Variants in SMYD3 observed in about 807,000 individuals in gnomAD.
The protein encoded by SMYD3 is histone-lysine N-methyltransferase SMYD3.
A neutral mutation model predicts 57.7 loss-of-function variants in SMYD3; 36 were observed. The ratio of observed to expected loss-of-function variants is 0.62; its 90% CI spans 0.48 to 0.82. The LOEUF (loss-of-function observed/expected upper bound fraction) is 0.82, where lower values mean the gene tolerates loss of function less well. Among genes scored for constraint, SMYD3 ranks in the 40% least tolerant of loss-of-function variants. SMYD3 has a pLI of 0.00. For missense variants in SMYD3, 515 were observed against 538.8 expected, an observed-to-expected ratio of 0.96 and a Z score of 0.44; for synonymous variants, 211 against 195.0, an observed-to-expected ratio of 1.08 and a Z score of -0.68.
chr1:246,395,620 G>GGACAGGGAAGACGAACACACCACAGTCA (rs1558442767), intron 1 of SMYD3, among the ~76,000 whole-genome samples: 1 of 28,618 alleles, frequency 3.5e-5, no homozygotes, highest in African/African-American at 1.7e-4. Flanking sequence ...CACCATGGCT[G>GGACAGGGAAGACGAACACACCACAGTCA]GACAGGGAAG....
At chr1:245,820,660 C>CA (rs2049110474) in intron 10 of SMYD3, among the ~76,000 whole-genome samples, 1 of 152,104 alleles carries the variant, frequency 6.6e-6, no homozygotes, top group Non-Finnish European at 1.5e-5. Context: ...CGTCTGAGCC[C>CA]AAAATCTCCT....
chr1:245,918,099 G>A (rs1232489436), intron 7 of SMYD3, among the ~76,000 whole-genome samples: 2 of 152,160 alleles, frequency 1.3e-5, no homozygotes, highest in African/African-American at 2.4e-5. Context: ...AACGGGACAG[G>A]AGTCACAGCC....
intron 5 of SMYD3, among the ~76,000 whole-genome samples, chr1:246,105,993 C>A (rs1364146097): frequency 6.6e-6 from 1 of 152,214 alleles, no homozygotes; most frequent in Non-Finnish European, 1.5e-5. Context: ...AAACATTATG[C>A]AGTGAGATAA....
chr1:246,199,620 A>G (rs964643275), intron 5 of SMYD3, among the ~76,000 whole-genome samples: 17 of 152,224 alleles, frequency 1.1e-4, no homozygotes, highest in African/African-American at 4.1e-4. Flanking sequence ...ACACATTTCC[A>G]ATATCTTGTC....
At chr1:246,007,654 GAA>G (rs35495113) in intron 5 of SMYD3, among the ~76,000 whole-genome samples, 36 of 146,740 alleles carry the variant, frequency 2.5e-4, no homozygotes, top group South Asian at 6.6e-4. Context: ...ACCAAAAATA[GAA>G]AAAAAAAAAA....
intron 10 of SMYD3, among the ~76,000 whole-genome samples, chr1:245,783,130 C>T (rs1488065102): frequency 6.6e-6 from 1 of 152,108 alleles, no homozygotes; most frequent in African/African-American, 2.4e-5. Context: ...AGAGAAGTGG[C>T]AGGAATGGTG....
At chr1:246,242,894 G>A (rs2063638427) in intron 5 of SMYD3, among the ~76,000 whole-genome samples, 1 of 152,124 alleles carries the variant, frequency 6.6e-6, no homozygotes, top group Non-Finnish European at 1.5e-5. Context: ...TCAACAAGAA[G>A]AGCTAACTAT....
chr1:246,098,473 A>G (rs1573018781), intron 5 of SMYD3, among the ~76,000 whole-genome samples: 1 of 152,364 alleles, frequency 6.6e-6, no homozygotes, highest in South Asian at 2.1e-4. Context: ...TACAATTTGA[A>G]TGTTTAAATA....
intron 5 of SMYD3, among the ~76,000 whole-genome samples, chr1:246,247,239 A>G (rs1361391749): frequency 6.6e-6 from 1 of 152,146 alleles, no homozygotes; most frequent in African/African-American, 2.4e-5. Flanking sequence ...TGACATTTGA[A>G]AGCATGTGTG....
At chr1:246,219,738 A>T (rs1048417337) in intron 5 of SMYD3, among the ~76,000 whole-genome samples, 1 of 152,156 alleles carries the variant, frequency 6.6e-6, no homozygotes, top group Admixed American at 6.5e-5. Context: ...AGGCACTCCC[A>T]GCCCCCAGAT....
rs767335863 is a variant in SMYD3 at position 245,749,586 on chromosome 1, C to T, written c.1264G>A (p.Asp422Asn). Residue 422 changes from aspartate (D) to asparagine (N), a missense_variant, in exon 12 of 12, where the codon GAC becomes AAC. Asp to Asn is a conservative substitution (Grantham distance 23). Coordinates refer to ENST00000490107, the MANE Select transcript of SMYD3 (RefSeq NM_001167740.2). ...EDLILLLEECDANIRAS is the reference protein window; with the variant it reads ...EDLILLLEECNANIRAS ...CCTTAGGATGCTCTGATGTTGGCGTCGCATTCTTCTAAAAGTAGAATCAAA... is the reference window on the plus strand; with the variant it reads ...CCTTAGGATGCTCTGATGTTGGCGTTGCATTCTTCTAAAAGTAGAATCAAA... 3.1e-5 allele frequency: 50 copies of T among 1,613,636 alleles called. No individual in the cohort carries two copies. The highest frequency in any genetic ancestry group is 4.4e-5 in the South Asian group (4 of 91,076).
chr1:245,872,600 C>T (rs1057194140), intron 8 of SMYD3, among the ~76,000 whole-genome samples: 2 of 152,196 alleles, frequency 1.3e-5, no homozygotes, highest in African/African-American at 4.8e-5. Context: ...CAAAAATGCT[C>T]GTGGTGAGGA....
chr1:246,072,288 A>T (rs57864893), intron 5 of SMYD3, among the ~76,000 whole-genome samples: 12,371 of 28,564 alleles, frequency 0.43, 2,104 homozygotes, highest in Admixed American at 0.52. Context: ...CTGTGGATGC[A>T]TCGTGTTAGT....
chr1:245,831,107 C>T lies in SMYD3; in HGVS notation c.1076+27389G>A, dbSNP rs111416113. 9.8e-5 allele frequency among the ~76,000 whole-genome samples: 15 copies of T among 152,300 alleles called. 2 individuals are homozygous for T. Among genetic ancestry groups the T allele is most frequent in the African/African-American group, 3.6e-4 (15 of 41,560 alleles). On this transcript the variant is annotated intron_variant, in intron 10 of 11. Coordinates refer to ENST00000490107, the MANE Select transcript of SMYD3 (RefSeq NM_001167740.2). Reference sequence around the variant, plus strand: ...TTTGGACTTCAGAAATCCGGTTCCACGTTTGTGTGAATGACAGATTCCCCA... The same window carrying T: ...TTTGGACTTCAGAAATCCGGTTCCATGTTTGTGTGAATGACAGATTCCCCA...
chr1:246,174,084 A>AGT (rs2062391633), intron 5 of SMYD3, among the ~76,000 whole-genome samples: 2 of 152,182 alleles, frequency 1.3e-5, no homozygotes, highest in South Asian at 4.1e-4. Context: ...GGCTGGGACT[A>AGT]CAGGCATGAG....
At chr1:246,408,860 G>A (rs563745705) in intron 1 of SMYD3, among the ~76,000 whole-genome samples, 43 of 152,074 alleles carry the variant, frequency 2.8e-4, no homozygotes, top group South Asian at 2.5e-3. Flanking sequence ...AGTAGAGACA[G>A]GGTTTCACCA....
At chr1:246,098,209 G>A (rs1262433294) in intron 5 of SMYD3, among the ~76,000 whole-genome samples, 1 of 152,162 alleles carries the variant, frequency 6.6e-6, no homozygotes, top group East Asian at 1.9e-4. Flanking sequence ...CAAGAAAGAT[G>A]ATGGAATTAG....
intron 3 of SMYD3, among the ~76,000 whole-genome samples, chr1:246,332,733 A>G (rs1173234622): frequency 6.6e-6 from 1 of 152,196 alleles, no homozygotes; most frequent in African/African-American, 2.4e-5. Context: ...GCTTGAGCCT[A>G]AGAGGCGGAG....
At chr1:246,083,045 T>C (rs1470125819) in intron 5 of SMYD3, among the ~76,000 whole-genome samples, 1 of 151,580 alleles carries the variant, frequency 6.6e-6, no homozygotes, top group Non-Finnish European at 1.5e-5. Context: ...CATGTGACAG[T>C]CTGAAATATG....
Sources: gnomAD v4.1 joint callset for allele counts (sites outside exome capture counted in the v4.1 genomes callset) on GRCh38, gnomAD v4.1.1 for gene constraint, MANE v1.5 for transcripts, NCBI Gene and HGNC (gene_info 2026-07-23, HGNC 2026-07-21) for gene names.